Variants in KIF16B observed in about 807,000 individuals in gnomAD.
The protein encoded by KIF16B is kinesin family member 16B, also known as kinesin-like protein KIF16B.
Under a neutral mutation model 156.3 loss-of-function variants are expected in KIF16B, and 98 were observed. The ratio of observed to expected loss-of-function variants is 0.63; its 90% CI spans 0.53 to 0.74. The LOEUF is 0.74. KIF16B is among the 30% of genes least tolerant of loss of function. KIF16B has a pLI of 0.00. For missense variants in KIF16B, 1,421 were observed against 1,606.5 expected (o/e 0.88, Z 1.97); for synonymous variants, 564 against 583.7 (o/e 0.97, Z 0.49).
intron 25 of KIF16B, among the ~76,000 whole-genome samples, chr20:16,290,493 T>C (rs1474320663): frequency 6.6e-6 from 1 of 152,218 alleles, no homozygotes; most frequent in African/African-American, 2.4e-5. Context: ...GTCTCTGAAT[T>C]CAGGGCAAGA....
At chr20:16,508,263 C>T (rs960418354) in intron 6 of KIF16B, among the ~76,000 whole-genome samples, 163 bp from the exon 7 acceptor site, 1 of 152,192 alleles carries the variant, frequency 6.6e-6, no homozygotes, top group Non-Finnish European at 1.5e-5. Flanking sequence ...GACCTGGGAG[C>T]TGGGTGGCTG....
chr20:16,279,267 T>C (rs2063110168), intron 25 of KIF16B, among the ~76,000 whole-genome samples: 1 of 152,184 alleles, frequency 6.6e-6, no homozygotes, highest in Non-Finnish European at 1.5e-5. Context: ...AAAGAGCTAA[T>C]CAAGCTACTA....
At chr20:16,504,628 T>A in intron 9 of KIF16B, 81 bp from the exon 10 acceptor site, 1 of 1,223,332 alleles carries the variant, frequency 8.2e-7, no homozygotes, top group Non-Finnish European at 1.2e-6. Context: ...AATTTAAAAG[T>A]CAGATTAACC....
intron 12 of KIF16B, among the ~76,000 whole-genome samples, chr20:16,458,868 CTT>C (rs1359889923): frequency 1.3e-5 from 2 of 152,242 alleles, no homozygotes; most frequent in East Asian, 1.9e-4. Context: ...GCTTTGGACT[CTT>C]TGGAAGAAAG....
intron 17 of KIF16B, among the ~76,000 whole-genome samples, chr20:16,397,879 C>A (rs547330004): frequency 6.6e-6 from 1 of 152,240 alleles, no homozygotes; most frequent in African/African-American, 2.4e-5. Flanking sequence ...AGGGCAGACG[C>A]ATCCTTTGTG....
chr20:16,465,387 C>T (rs1028540), intron 12 of KIF16B, among the ~76,000 whole-genome samples: 73,440 of 152,008 alleles, frequency 0.48, 18,104 homozygotes, highest in African/African-American at 0.57. Context: ...ATGGTCAATA[C>T]CAGTCCATCA....
At chr20:16,280,834 G>GCGCGCA (rs2063133687) in intron 25 of KIF16B, among the ~76,000 whole-genome samples, 1 of 138,814 alleles carries the variant, frequency 7.2e-6, no homozygotes, top group African/African-American at 2.7e-5. Context: ...CAACTGCTGC[G>GCGCGCA]CGCGCACGTG....
At chr20:16,560,810 C>T in intron 1 of KIF16B, among the ~76,000 whole-genome samples, 1 of 151,968 alleles carries the variant, frequency 6.6e-6, no homozygotes, top group Admixed American at 6.6e-5. Context: ...AAGCTCTAAC[C>T]AGCTAACAAG....
intron 22 of KIF16B, among the ~76,000 whole-genome samples, chr20:16,365,866 C>T (rs1440538671): frequency 6.6e-6 from 1 of 152,122 alleles, no homozygotes; most frequent in Non-Finnish European, 1.5e-5. Flanking sequence ...ATCCAACGTC[C>T]ACTGAGAGCT....
intron 10 of KIF16B, among the ~76,000 whole-genome samples, chr20:16,503,336 G>A (rs2068679250): frequency 6.6e-6 from 1 of 152,308 alleles, no homozygotes; most frequent in South Asian, 2.1e-4. Context: ...TTCCACCATA[G>A]AGCAAAATGC....
intron 23 of KIF16B, among the ~76,000 whole-genome samples, chr20:16,341,650 G>C (rs1273851722): frequency 6.6e-6 from 1 of 152,240 alleles, no homozygotes; most frequent in Non-Finnish European, 1.5e-5. Flanking sequence ...AGCAGCATCA[G>C]CTGCACTGGG....
At chr20:16,454,280 C>T (rs2067158163) in intron 12 of KIF16B, among the ~76,000 whole-genome samples, 1 of 151,186 alleles carries the variant, frequency 6.6e-6, no homozygotes, top group African/African-American at 2.4e-5. Flanking sequence ...TAAGAAAAAA[C>T]AAATATCAGT....
At chr20:16,436,740 A>G (rs915230502) in intron 12 of KIF16B, among the ~76,000 whole-genome samples, 2 of 152,130 alleles carry the variant, frequency 1.3e-5, no homozygotes, top group African/African-American at 2.4e-5. Context: ...TATGTTTGCT[A>G]TGCTTTCTAT....
intron 21 of KIF16B, 133 bp downstream of exon 21, chr20:16,371,532 G>A: frequency 1.7e-6 from 1 of 577,882 alleles, no homozygotes; most frequent in Non-Finnish European, 3.1e-6. Flanking sequence ...GGAGGTTGCA[G>A]TGAGCCAAGA....
At chr20:16,293,038 C>T (rs1345168775) in intron 25 of KIF16B, among the ~76,000 whole-genome samples, 1 of 152,036 alleles carries the variant, frequency 6.6e-6, no homozygotes, top group Admixed American at 6.6e-5. Flanking sequence ...ATAGAAAATA[C>T]AGGAGACAGA....
At chr20:16,487,071 G>T (rs2068138920) in intron 12 of KIF16B, among the ~76,000 whole-genome samples, 1 of 152,144 alleles carries the variant, frequency 6.6e-6, no homozygotes, top group African/African-American at 2.4e-5. Flanking sequence ...GGCTAACACG[G>T]TGAAACCCCA....
At chr20:16,414,434 T>C (rs752975749) in intron 15 of KIF16B, among the ~76,000 whole-genome samples, 1 of 152,090 alleles carries the variant, frequency 6.6e-6, no homozygotes, top group Non-Finnish European at 1.5e-5. Context: ...AAAAGCTACG[T>C]TGACCTTGTC....
intron 22 of KIF16B, chr20:16,367,086 C>T (rs1159044154): frequency 3.4e-6 from 5 of 1,476,006 alleles, no homozygotes; most frequent in Non-Finnish European, 4.5e-6. Context: ...ACTGTTTTCA[C>T]AATGCTTATT....
chr20:16,543,674 G>C (rs568200995), intron 1 of KIF16B, among the ~76,000 whole-genome samples: 1 of 152,220 alleles, frequency 6.6e-6, no homozygotes, highest in African/African-American at 2.4e-5. Context: ...CACTTTCATG[G>C]GGAATTTTGG....
Sources: allele counts gnomAD v4.1 joint callset (sites outside exome capture counted in the v4.1 genomes callset), GRCh38; gene constraint gnomAD v4.1.1; transcripts MANE v1.5; gene names NCBI Gene and HGNC (gene_info 2026-07-23, HGNC 2026-07-21).